Variants in FGFR2 observed in about 807,000 individuals in gnomAD.
The protein encoded by FGFR2 is BEK fibroblast growth factor receptor.
A neutral mutation model predicts 95.9 loss-of-function variants in FGFR2; 19 were observed. The observed-to-expected ratio is 0.20, with a 90% confidence interval of 0.14 to 0.29. The LOEUF is 0.29. FGFR2 is among the 10% of genes least tolerant of loss of function. FGFR2 has a pLI of 1.00. For missense variants in FGFR2, 707 were observed against 1,056.9 expected (o/e 0.67, Z 4.59); for synonymous variants, 392 against 393.3 (o/e 1.00, Z 0.04).
At chr10:121,572,496 G>A (rs1451215183) in intron 2 of FGFR2, among the ~76,000 whole-genome samples, 1 of 152,106 alleles carries the variant, frequency 6.6e-6, no homozygotes, top group African/African-American at 2.4e-5. Context: ...GCATGTGCCT[G>A]TAATCCCAGC....
At chr10:121,503,650 T>C (rs1220785510) in intron 10 of FGFR2, 140 bp downstream of exon 10, 1 of 936,582 alleles carries the variant, frequency 1.1e-6, no homozygotes, top group Admixed American at 2.3e-5. Flanking sequence ...AGTTGGTTAT[T>C]TAGAAATACA....
At chr10:121,496,475 C>T (rs2133930115) in intron 13 of FGFR2, 57 bp downstream of exon 13, 1 of 1,573,066 alleles carries the variant, frequency 6.4e-7, no homozygotes, top group African/African-American at 1.3e-5. Flanking sequence ...TGCCTGTTTT[C>T]TTTAAAGACA....
At chr10:121,591,026 C>T (rs1862575929) in intron 2 of FGFR2, among the ~76,000 whole-genome samples, 1 of 152,188 alleles carries the variant, frequency 6.6e-6, no homozygotes, top group Non-Finnish European at 1.5e-5. Context: ...CTCTCTCTCT[C>T]TCTCTCTTCC....
intron 5 of FGFR2, among the ~76,000 whole-genome samples, chr10:121,549,237 AG>A (rs2134782891): frequency 6.6e-6 from 1 of 152,338 alleles, no homozygotes; most frequent in Non-Finnish European, 1.5e-5. Flanking sequence ...AATCCTTTAA[AG>A]ATGAATAACT....
Position 121,482,239 on chromosome 10 carries a change from T to C in FGFR2, c.2301+1459A>G, listed in dbSNP as rs1392307584. 6 of 1,511,110 alleles carry C rather than the reference T, an allele frequency of 4.0e-6. No homozygotes were observed. The South Asian group carries it at 6.8e-5, about 17-fold the overall frequency. The allele number at this position is 1,511,110 out of a possible 1,614,324, so 93.6% of individuals were successfully genotyped here. A position where few individuals can be genotyped will look rare whatever the true frequency, so the allele number is the denominator to read the frequency against. On this transcript the variant is annotated intron_variant, in intron 17 of 17. Transcript: ENST00000358487. ...AGTCTACAGTTAAAGGAACTTATACTAGAAACAACAATTTTGGCAGAAGAA... is the reference window on the plus strand; with the variant it reads ...AGTCTACAGTTAAAGGAACTTATACCAGAAACAACAATTTTGGCAGAAGAA...
intron 7 of FGFR2, 62 bp downstream of exon 7, chr10:121,519,917 T>C (rs1850254099): frequency 1.3e-6 from 2 of 1,529,078 alleles, no homozygotes; most frequent in African/African-American, 2.7e-5. Context: ...TCAAAGAACC[T>C]GTGGCCAAAC....
intron 2 of FGFR2, among the ~76,000 whole-genome samples, chr10:121,588,485 T>C (rs1318516386): frequency 6.6e-6 from 1 of 151,930 alleles, no homozygotes; most frequent in Non-Finnish European, 1.5e-5. Context: ...GAAGATGGTG[T>C]GGTAAAGATG....
chr10:121,575,341 A>T (rs1859546151), intron 2 of FGFR2, among the ~76,000 whole-genome samples: 1 of 152,134 alleles, frequency 6.6e-6, no homozygotes, highest in Non-Finnish European at 1.5e-5. Flanking sequence ...TTTTGTCAGT[A>T]TCCCTCTTGC....
intron 12 of FGFR2, among the ~76,000 whole-genome samples, 174 bp from the exon 13 acceptor site, chr10:121,496,896 C>T (rs1318733251): frequency 2.0e-5 from 3 of 150,482 alleles, no homozygotes; most frequent in African/African-American, 4.9e-5. Flanking sequence ...TTACAGAGGC[C>T]GAGGCAGGTG....
Position 121,515,196 on chromosome 10 carries a change from G to T in FGFR2, c.1208C>A (p.Thr403Lys), listed in dbSNP as rs753437208. 6.2e-7 allele frequency: 1 copy of T among 1,614,162 alleles called. No individual in the cohort carries two copies. The highest frequency in any genetic ancestry group is 1.1e-5 in the South Asian group (1 of 91,082). The change falls in exon 9 of 18, where the codon ACG becomes AAG. Residue 403 changes from threonine (T) to lysine (K), a missense_variant. Around this residue, in one of 7 missense-constraint regions of FGFR2, gnomAD observed 194 missense variants for 267.3 expected, o/e 0.73. Coordinates refer to ENST00000358487, the MANE Select transcript of FGFR2 (RefSeq NM_000141.5). ...GCTGCTGAAGTCTGGCTTCTTGGTCGTGTTCTTCATTCGGCACAGGATGAC... is the reference window on the plus strand; with the variant it reads ...GCTGCTGAAGTCTGGCTTCTTGGTCTTGTTCTTCATTCGGCACAGGATGAC... ...VTVILCRMKN[T>K]TKKPDFSSQP...
intron 5 of FGFR2, among the ~76,000 whole-genome samples, chr10:121,544,442 TTA>T (rs1854212302): frequency 7.5e-6 from 1 of 132,512 alleles, no homozygotes; most frequent in African/African-American, 3.0e-5. Flanking sequence ...AAACTCCGTC[TTA>T]AAAAAAAAAA....
intron 9 of FGFR2, among the ~76,000 whole-genome samples, chr10:121,504,632 T>C (rs886251203): frequency 6.6e-6 from 1 of 152,188 alleles, no homozygotes. Context: ...CAGAAACCAG[T>C]GCACTAAACA....
chr10:121,534,459 G>A (rs1852540482), intron 6 of FGFR2, among the ~76,000 whole-genome samples: 1 of 151,490 alleles, frequency 6.6e-6, no homozygotes, highest in Non-Finnish European at 1.5e-5. Flanking sequence ...GCAATGGCAT[G>A]ATCTTGGCTC....
At chr10:121,486,027 C>T (rs1845365101) in intron 15 of FGFR2, among the ~76,000 whole-genome samples, 1 of 152,208 alleles carries the variant, frequency 6.6e-6, no homozygotes, top group African/African-American at 2.4e-5. Flanking sequence ...CAGCACTGGG[C>T]TGGGGTTAGG....
chr10:121,537,729 C>T (rs1299054660), intron 6 of FGFR2, among the ~76,000 whole-genome samples: 2 of 141,812 alleles, frequency 1.4e-5, no homozygotes, highest in East Asian at 4.1e-4. Flanking sequence ...CAAAAGAAGG[C>T]TCAAGGTGGC....
At chr10:121,493,603 C>T (rs910582166) in intron 13 of FGFR2, among the ~76,000 whole-genome samples, 1 of 152,200 alleles carries the variant, frequency 6.6e-6, no homozygotes, top group Non-Finnish European at 1.5e-5. Flanking sequence ...TTCAGTCAAT[C>T]TCTAGATTTG....
At chr10:121,491,944 T>G (rs1277385941) in intron 13 of FGFR2, among the ~76,000 whole-genome samples, 1 of 150,490 alleles carries the variant, frequency 6.6e-6, no homozygotes. Context: ...TTTGGGAGGC[T>G]GAGGTGGGCA....
At chr10:121,582,786 CAAAAAAAGA>C (rs1160252415) in intron 2 of FGFR2, among the ~76,000 whole-genome samples, 5 of 151,084 alleles carry the variant, frequency 3.3e-5, no homozygotes, top group South Asian at 2.1e-4. Flanking sequence ...CTCTGTCTCA[CAAAAAAAGA>C]AAAAAAAGAA....
At chr10:121,510,078 C>T (rs1206202310) in intron 9 of FGFR2, among the ~76,000 whole-genome samples, 2 of 152,160 alleles carry the variant, frequency 1.3e-5, no homozygotes, top group African/African-American at 2.4e-5. Context: ...CTTTCACCAC[C>T]GCAAGCTGGG....
Sources: allele counts gnomAD v4.1 joint callset (sites outside exome capture counted in the v4.1 genomes callset), GRCh38; gene constraint gnomAD v4.1.1; regional missense constraint gnomAD v4.1.1; transcripts MANE v1.5; gene names NCBI Gene and HGNC (gene_info 2026-07-23, HGNC 2026-07-21).